Variants in MRRF observed in about 807,000 individuals in gnomAD.
MRRF encodes ribosome-recycling factor, mitochondrial.
Under a neutral mutation model 25.1 loss-of-function variants are expected in MRRF, and 18 were observed. The ratio of observed to expected loss-of-function variants is 0.72; its 90% CI spans 0.50 to 1.06. MRRF has a LOEUF of 1.06. MRRF is among the 50% of genes least tolerant of loss of function. The pLI, the probability that MRRF is intolerant of heterozygous loss-of-function variation, is 0.00. For synonymous variants in MRRF, 113 were observed against 112.1 expected, an observed-to-expected ratio of 1.01 and a Z score of -0.05; for missense variants, 323 against 319.3, an observed-to-expected ratio of 1.01 and a Z score of -0.09.
intron 5 of MRRF, among the ~76,000 whole-genome samples, chr9:122,303,304 T>A (rs1174363829): frequency 6.7e-6 from 1 of 148,960 alleles, no homozygotes; most frequent in African/African-American, 2.5e-5. Flanking sequence ...ATATATATAT[T>A]TAGTTTACAT....
intron 6 of MRRF, 64 bp downstream of exon 6, chr9:122,313,450 T>A: frequency 6.5e-7 from 1 of 1,549,326 alleles, no homozygotes; most frequent in Non-Finnish European, 8.9e-7. Flanking sequence ...TGTTCATGTT[T>A]GAGGTGAGGA....
intron 5 of MRRF, among the ~76,000 whole-genome samples, chr9:122,309,986 CA>C (rs1835104891): frequency 6.6e-6 from 1 of 152,160 alleles, no homozygotes; most frequent in African/African-American, 2.4e-5. Flanking sequence ...TCAGGGCTTC[CA>C]AAAATGTAAC....
At chr9:122,308,955 A>C (rs1835040425) in intron 5 of MRRF, among the ~76,000 whole-genome samples, 1 of 152,164 alleles carries the variant, frequency 6.6e-6, no homozygotes, top group African/African-American at 2.4e-5. Context: ...GTTCAGTGAC[A>C]TTAAGTATAT....
rs1588101928 is a variant in MRRF, at chr9:122,328,778, A to G, written c.*6161A>G. On this transcript the variant is annotated 3_prime_UTR_variant, in exon 7 of 7. Coordinates refer to ENST00000344641, the MANE Select transcript of MRRF (RefSeq NM_138777.5). ...AGAATGAGGAAGAGGGTTGCTTCAC[A>G]TAGACGAAGTTCAGTTTTTGTGGAA... 1 of 152,172 alleles carries G rather than the reference A, an allele frequency of 6.6e-6. No individual in the cohort carries two copies. The allele number at this position is 152,172 out of a possible 1,614,324, so 9.4% of individuals were successfully genotyped here. A position where few individuals can be genotyped will look rare whatever the true frequency, so the allele number is the denominator to read the frequency against.
intron 3 of MRRF, among the ~76,000 whole-genome samples, chr9:122,280,828 GTTAACA>G (rs1239395377): frequency 9.2e-5 from 14 of 152,188 alleles, no homozygotes; most frequent in African/African-American, 3.4e-4. Flanking sequence ...CTGGCGCATA[GTTAACA>G]CTACATTTAT....
intron 5 of MRRF, among the ~76,000 whole-genome samples, chr9:122,295,399 C>A (rs1320788646): frequency 1.3e-5 from 2 of 151,298 alleles, no homozygotes. Flanking sequence ...TAAGTTGGGA[C>A]TTTGAGGGGT....
At chr9:122,276,490 C>A (rs1041235516) in intron 2 of MRRF, among the ~76,000 whole-genome samples, 1 of 152,144 alleles carries the variant, frequency 6.6e-6, no homozygotes, top group Non-Finnish European at 1.5e-5. Context: ...TTATTATGGT[C>A]ATTTCTCAAT....
chr9:122,314,469 A>T (rs1835392295), intron 6 of MRRF, among the ~76,000 whole-genome samples: 1 of 152,200 alleles, frequency 6.6e-6, no homozygotes, highest in South Asian at 2.1e-4. Context: ...GGTCTGGGGA[A>T]AGAAGTGAAT....
chr9:122,279,822 CT>C lies in MRRF; in HGVS notation c.185-619del, dbSNP rs543849757. On this transcript the variant is annotated intron_variant, in intron 2 of 6. Coordinates refer to ENST00000344641, the MANE Select transcript of MRRF (RefSeq NM_138777.5). ...AGCCATCAGATATTGTGTGCATATCCTTGTCTTAGTGTCCATTTTTAATGAA... is the reference window on the plus strand; with the variant it reads ...AGCCATCAGATATTGTGTGCATATCCTGTCTTAGTGTCCATTTTTAATGAA... Among the ~76,000 whole-genome samples the C allele has an allele frequency of 1.3e-4, 20 of 152,258 alleles. No individual in the cohort carries two copies. In the East Asian group the frequency reaches 3.9e-3, roughly 29 times the overall value.
chr9:122,322,890 G>T lies in MRRF; in HGVS notation c.*273G>T. ...ATTTGCTTTGACTTGATGTTGCCAA[G>T]GGACTGAGGCCATTGGCAGGCTTAG... On this transcript the variant is annotated 3_prime_UTR_variant, in exon 7 of 7. Coordinates refer to ENST00000344641, the MANE Select transcript of MRRF (RefSeq NM_138777.5). 1.8e-6 allele frequency: 1 copy of T among 543,248 alleles called. No individual in the cohort carries two copies. Among genetic ancestry groups the T allele is most frequent in the Non-Finnish European group, 3.3e-6 (1 of 300,520 alleles). 33.7% of individuals were successfully genotyped at this position (543,248 alleles called of 1,614,324 possible).
At chr9:122,304,368 T>C (rs1156919334) in intron 5 of MRRF, among the ~76,000 whole-genome samples, 1 of 152,236 alleles carries the variant, frequency 6.6e-6, no homozygotes, top group Non-Finnish European at 1.5e-5. Context: ...GCTTCCCACC[T>C]GGCCTGTGGC....
intron 1 of MRRF, among the ~76,000 whole-genome samples, chr9:122,269,387 A>G (rs1053818363): frequency 3.9e-5 from 6 of 152,086 alleles, no homozygotes; most frequent in African/African-American, 1.4e-4. Context: ...TTTGTACATC[A>G]TTAATAACAT....
intron 5 of MRRF, among the ~76,000 whole-genome samples, chr9:122,308,914 G>T (rs1185316263): frequency 6.6e-6 from 1 of 151,952 alleles, no homozygotes; most frequent in Non-Finnish European, 1.5e-5. Flanking sequence ...ACTTGTCCAG[G>T]CTTGTATTTT....
chr9:122,268,568 G>A (rs546164099), intron 1 of MRRF, among the ~76,000 whole-genome samples: 1 of 152,284 alleles, frequency 6.6e-6, no homozygotes, highest in African/African-American at 2.4e-5. Context: ...CCATGTCCTT[G>A]GACAGTGACT....
chr9:122,265,213 A>T (rs1831989495), intron 1 of MRRF, among the ~76,000 whole-genome samples: 1 of 152,206 alleles, frequency 6.6e-6, no homozygotes, highest in Non-Finnish European at 1.5e-5. Flanking sequence ...TGAGTTTCAG[A>T]ACAATCCCAT....
In MRRF at chr9:122,291,690, G is replaced by T. The variant is rs1833778514; in HGVS notation, c.460-59G>T. On this transcript the variant is annotated intron_variant, in intron 4 of 6. Transcript: ENST00000344641. ...GATGGGTTGCCAGTTATCGACAGAG[G>T]GCTTGCATCTGGTAATAATTATTTA... 4.1e-6 allele frequency: 5 copies of T among 1,210,208 alleles called. No homozygotes were observed. In the Admixed American group the frequency reaches 8.4e-5, roughly 20 times the overall value. 75.0% of individuals were successfully genotyped at this position (1,210,208 alleles called of 1,614,324 possible). A position where few individuals can be genotyped will look rare whatever the true frequency, so the allele number is the denominator to read the frequency against.
rs759665937 is a variant in MRRF at position 122,322,558 on chromosome 9, GAC to G, written c.734_735del (p.Thr245SerfsTer56). 2 of 1,614,012 alleles carry G rather than the reference GAC, an allele frequency of 1.2e-6. No individual in the cohort carries two copies. Among genetic ancestry groups the G allele is most frequent in the Non-Finnish European group, 1.7e-6 (2 of 1,180,052 alleles). ...IEKQISQMAD[D>X]TVAELDRHLA... ...CTTGCAGATCAGCCAAATGGCCGAT[GAC>G]ACAGTGGCAGAACTGGACAGGCATC... On this transcript the variant is annotated frameshift_variant, in exon 7 of 7. Transcript: ENST00000344641. LOFTEE classifies it high-confidence loss of function.
chr9:122,291,971 C>T (rs1246915442), intron 5 of MRRF, 131 bp downstream of exon 5: 1 of 747,906 alleles, frequency 1.3e-6, no homozygotes, highest in African/African-American at 1.7e-5. Flanking sequence ...TGGCAAACAT[C>T]TTTTGAGATC....
intron 5 of MRRF, among the ~76,000 whole-genome samples, chr9:122,295,566 C>T (rs1834034629): frequency 6.6e-6 from 1 of 152,048 alleles, no homozygotes. Context: ...CTGCCTCAGC[C>T]TCCCAGGTAG....
Sources: allele counts gnomAD v4.1 joint callset (sites outside exome capture counted in the v4.1 genomes callset), GRCh38; gene constraint gnomAD v4.1.1; transcripts MANE v1.5; gene names NCBI Gene and HGNC (gene_info 2026-07-23, HGNC 2026-07-21).